Variants in KLF12 observed in about 807,000 individuals in gnomAD.
KLF12 encodes the protein KLF transcription factor 12, also known as Krueppel-like factor 12.
Under a neutral mutation model 37.8 loss-of-function variants are expected in KLF12, and 9 were observed. The observed-to-expected ratio is 0.24, with a 90% CI of 0.14 to 0.42. The LOEUF is 0.42. Ranked by LOEUF, KLF12 falls within the 10% of genes least tolerant of loss-of-function variation. The pLI, the probability that KLF12 is intolerant of heterozygous loss-of-function variation, is 1.00. For missense variants in KLF12, 411 were observed against 516.0 expected (o/e 0.80, Z 1.97); for synonymous variants, 208 against 202.1 (o/e 1.03, Z -0.25).
chr13:73,725,989 C>T (rs766161146), intron 6 of KLF12, among the ~76,000 whole-genome samples: 1 of 152,078 alleles, frequency 6.6e-6, no homozygotes, highest in East Asian at 1.9e-4. Context: ...CTGCCTCAGC[C>T]TCCCAAGTAG....
intron 1 of KLF12, among the ~76,000 whole-genome samples, chr13:74,046,619 A>G (rs1266880435): frequency 6.6e-6 from 1 of 152,052 alleles, no homozygotes; most frequent in African/African-American, 2.4e-5. Context: ...TAGAAAAAAG[A>G]GAGTTACTGT....
At chr13:74,083,529 CACACACACACAA>C (rs1430859534) in intron 1 of KLF12, among the ~76,000 whole-genome samples, 4 of 150,910 alleles carry the variant, frequency 2.7e-5, no homozygotes, top group Non-Finnish European at 5.9e-5. Flanking sequence ...CACACACACA[CACACACACACAA>C]ACATTTAATA....
At position 73,781,303 on chromosome 13, in the gene KLF12, T is replaced by C. The variant is rs113219835; in HGVS notation, c.807-16303A>G. On this transcript the variant is annotated intron_variant, in intron 5 of 7. Transcript: ENST00000377669. Reference sequence around the variant, plus strand: ...CTGGGAAACCAAAAATTTGTGTGGCTTGCCTTGTGATATTCACTTTATTGC... The same window carrying C: ...CTGGGAAACCAAAAATTTGTGTGGCCTGCCTTGTGATATTCACTTTATTGC... 6.9e-3 allele frequency among the ~76,000 whole-genome samples: 1,049 copies of C among 152,360 alleles called. 9 individuals carry two copies. The highest frequency in any genetic ancestry group is 0.023 in the African/African-American group (970 of 41,590).
chr13:73,926,649 T>C (rs974139184), intron 3 of KLF12, among the ~76,000 whole-genome samples: 2 of 148,722 alleles, frequency 1.3e-5, no homozygotes, highest in Admixed American at 1.3e-4. Flanking sequence ...TTTTTTAACA[T>C]AAATAAAGGA....
intron 3 of KLF12, among the ~76,000 whole-genome samples, chr13:73,911,317 A>G (rs914830037): frequency 2.0e-5 from 3 of 152,216 alleles, no homozygotes; most frequent in Non-Finnish European, 4.4e-5. Context: ...ATGAATGAAA[A>G]TATTTATTCA....
chr13:74,217,324 T>A, the KLF12 span, among the ~76,000 whole-genome samples: 4 of 151,838 alleles, frequency 2.6e-5, no homozygotes, highest in African/African-American at 9.7e-5. Flanking sequence ...TTTTTTTTTT[T>A]TATAAAGAAA....
intron 3 of KLF12, among the ~76,000 whole-genome samples, chr13:73,855,803 C>G (rs1594175150): frequency 6.7e-6 from 1 of 149,620 alleles, no homozygotes; most frequent in East Asian, 2.0e-4. Context: ...TATGACATGG[C>G]ATCTCATTGT....
At chr13:73,922,259 G>A (rs4321078) in intron 3 of KLF12, among the ~76,000 whole-genome samples, 4 of 151,932 alleles carry the variant, frequency 2.6e-5, no homozygotes, top group African/African-American at 4.8e-5. Flanking sequence ...AGACCAAAGT[G>A]GCGTTTGCTT....
At chr13:74,227,246 A>G in the KLF12 span, among the ~76,000 whole-genome samples, 6 of 151,936 alleles carry the variant, frequency 3.9e-5, no homozygotes, top group Non-Finnish European at 7.4e-5. Context: ...TCTTAATCTC[A>G]AGGATGGCTC....
chr13:74,091,366 T>C (rs561134328), intron 1 of KLF12, among the ~76,000 whole-genome samples: 1 of 152,354 alleles, frequency 6.6e-6, no homozygotes, highest in African/African-American at 2.4e-5. Context: ...GTTAAACTGA[T>C]CTTTTTATAA....
rs564312703 is a variant in KLF12, at chr13:73,987,474, C to G, written c.33+7516G>C. ...TTTTTATGATCACTCTTGAAAATTT[C>G]TGGTAAAATATAATAATTACTTTGG... On this transcript the variant is annotated intron_variant, in intron 2 of 7. Coordinates refer to ENST00000377669, the MANE Select transcript of KLF12 (RefSeq NM_007249.5). Among the ~76,000 whole-genome samples, 5 of 152,010 alleles carry G rather than the reference C, an allele frequency of 3.3e-5. No individual in the cohort carries two copies. The East Asian group carries it at 9.7e-4, about 29-fold the overall frequency.
At chr13:73,891,585 G>T (rs1383290966) in intron 3 of KLF12, among the ~76,000 whole-genome samples, 3 of 152,096 alleles carry the variant, frequency 2.0e-5, no homozygotes, top group Admixed American at 2.0e-4. Context: ...CAAAATAATT[G>T]TAATCAAGAC....
intron 1 of KLF12, among the ~76,000 whole-genome samples, chr13:74,128,115 A>G (rs1342061187): frequency 1.3e-5 from 2 of 152,110 alleles, no homozygotes; most frequent in Non-Finnish European, 2.9e-5. Flanking sequence ...TTCTTTTGAC[A>G]AGCTTGGATA....
chr13:74,095,636 A>C (rs996610228), intron 1 of KLF12, among the ~76,000 whole-genome samples: 1 of 152,106 alleles, frequency 6.6e-6, no homozygotes, highest in East Asian at 1.9e-4. Flanking sequence ...TGATCCTCCC[A>C]CCTCAGCCTC....
chr13:73,964,295 C>T (rs915010454), intron 2 of KLF12, among the ~76,000 whole-genome samples: 1 of 152,166 alleles, frequency 6.6e-6, no homozygotes, highest in South Asian at 2.1e-4. Context: ...ATAAGTAGGT[C>T]CATGCAACAG....
chr13:73,732,242 C>G (rs773695793), intron 6 of KLF12, among the ~76,000 whole-genome samples: 2 of 151,840 alleles, frequency 1.3e-5, no homozygotes, highest in Non-Finnish European at 2.9e-5. Context: ...CACCACCACA[C>G]CTGGCTAATT....
At chr13:73,859,233 A>G (rs565247123) in intron 3 of KLF12, among the ~76,000 whole-genome samples, 108 of 152,286 alleles carry the variant, frequency 7.1e-4, no homozygotes, top group Middle Eastern at 3.4e-3. Context: ...GCTTCTAAGG[A>G]CCACATGCAA....
At chr13:74,169,906 T>A in the KLF12 span, among the ~76,000 whole-genome samples, 8 of 152,356 alleles carry the variant, frequency 5.3e-5, no homozygotes, top group Non-Finnish European at 1.2e-4. Flanking sequence ...TGTGTTACAC[T>A]GCCCAAGGGG....
intron 1 of KLF12, among the ~76,000 whole-genome samples, chr13:74,104,284 C>T (rs922823307): frequency 6.6e-6 from 1 of 152,222 alleles, no homozygotes; most frequent in African/African-American, 2.4e-5. Flanking sequence ...TGATTAAACT[C>T]ATGCACTGTG....
Sources: gnomAD v4.1 joint callset for allele counts (sites outside exome capture counted in the v4.1 genomes callset) on GRCh38, gnomAD v4.1.1 for gene constraint, MANE v1.5 for transcripts, NCBI Gene and HGNC (gene_info 2026-07-23, HGNC 2026-07-21) for gene names.